WDFY3: variants seen among roughly 807,000 people sequenced by gnomAD.
WDFY3 encodes WD repeat and FYVE domain containing 3, also known as WD repeat and FYVE domain-containing protein 3.
WDFY3 carries 66 observed loss-of-function variants against 409.6 expected under a neutral mutation model. The observed-to-expected ratio is 0.16, with a 90% CI of 0.13 to 0.20. WDFY3 has a LOEUF of 0.20. Among genes scored for constraint, WDFY3 ranks in the 10% least tolerant of loss-of-function variants. WDFY3 has a pLI of 1.00. For missense variants in WDFY3, 3,031 were observed against 4,298.1 expected, an observed-to-expected ratio of 0.71 and a Z score of 8.24; for synonymous variants, 1,521 against 1,537.1, an observed-to-expected ratio of 0.99 and a Z score of 0.25.
intron 36 of WDFY3, among the ~76,000 whole-genome samples, chr4:84,744,419 T>C (rs1406070034): frequency 1.3e-5 from 2 of 151,666 alleles, no homozygotes; most frequent in Admixed American, 1.3e-4. Context: ...AAAAAAATGG[T>C]TTACAAAGCT....
intron 40 of WDFY3, 119 bp from the exon 41 acceptor site, chr4:84,737,485 TA>T (rs1737649751): frequency 9.2e-6 from 11 of 1,189,954 alleles, no homozygotes; most frequent in South Asian, 4.2e-5. Context: ...GTATTTAATG[TA>T]AAAAAAACAA....
chr4:84,837,180 T>C (rs1756692301), intron 6 of WDFY3, 90 bp from the exon 7 acceptor site: 4 of 1,133,186 alleles, frequency 3.5e-6, no homozygotes, highest in Admixed American at 3.5e-5. Flanking sequence ...CCAAAAATTA[T>C]ATATAAAGGT....
intron 67 of WDFY3, 132 bp from the exon 68 acceptor site, chr4:84,673,123 G>T: frequency 1.8e-6 from 2 of 1,137,512 alleles, no homozygotes; most frequent in Non-Finnish European, 2.5e-6. Context: ...TTGTGTGGCT[G>T]AACAAGGACT....
Position 84,849,915 on chromosome 4 carries a change from T to C in WDFY3, c.291A>G (p.Ser97=). ...CTGTAAAAATACCTGTGGATTTGTT[T>C]GATGCTCTCCTTCGAATTTCTGTCA... ...LMVTEIRRRA[S]NKSTEAASRA... is the part of the protein sequence containing the mutation. The change falls in exon 5 of 68, where the codon TCA becomes TCG. Residue 97 remains serine, a synonymous_variant. Transcript: ENST00000295888. 3 of 1,612,226 alleles carry C rather than the reference T, an allele frequency of 1.9e-6. No individual in the cohort carries two copies. Among genetic ancestry groups the C allele is most frequent in the Middle Eastern group, 1.7e-4 (1 of 6,052 alleles).
chr4:84,693,968 A>G (rs1180661733), intron 58 of WDFY3, among the ~76,000 whole-genome samples: 2 of 152,128 alleles, frequency 1.3e-5, no homozygotes, highest in African/African-American at 4.8e-5. Context: ...ACAGGCATAG[A>G]GTAGTTTCTG....
At chr4:84,958,421 G>T in intron 1 of WDFY3, among the ~76,000 whole-genome samples, 2 of 151,892 alleles carry the variant, frequency 1.3e-5, no homozygotes, top group South Asian at 4.2e-4. Context: ...AAAATCAGAA[G>T]TTTTTTTTTA....
intron 44 of WDFY3, among the ~76,000 whole-genome samples, chr4:84,730,222 G>C (rs550072584): frequency 6.6e-6 from 1 of 151,828 alleles, no homozygotes; most frequent in Non-Finnish European, 1.5e-5. Context: ...TAAACTACAG[G>C]GCCCATAAAA....
At chr4:84,771,311 T>A (rs559289506) in intron 30 of WDFY3, among the ~76,000 whole-genome samples, 1 of 152,180 alleles carries the variant, frequency 6.6e-6, no homozygotes, top group Non-Finnish European at 1.5e-5. Flanking sequence ...TTAATTTTTG[T>A]ATTTTTTGTA....
At chr4:84,743,277 A>G (rs1219167909) in intron 37 of WDFY3, among the ~76,000 whole-genome samples, 1 of 152,182 alleles carries the variant, frequency 6.6e-6, no homozygotes, top group African/African-American at 2.4e-5. Context: ...GAAAAAACAC[A>G]TTTCAATGTG....
intron 15 of WDFY3, among the ~76,000 whole-genome samples, chr4:84,804,671 C>G (rs1381067546): frequency 6.6e-6 from 1 of 152,016 alleles, no homozygotes; most frequent in Admixed American, 6.6e-5. Flanking sequence ...CTATATTGCT[C>G]CCTTTATTCT....
chr4:84,783,930 C>G (rs969539847), intron 24 of WDFY3, among the ~76,000 whole-genome samples: 2 of 151,712 alleles, frequency 1.3e-5, no homozygotes, highest in Admixed American at 6.6e-5. Context: ...TCAATACTTA[C>G]AGTTCCTGGT....
chr4:84,749,167 G>A (rs1740043712), intron 36 of WDFY3, among the ~76,000 whole-genome samples: 2 of 152,016 alleles, frequency 1.3e-5, no homozygotes, highest in Non-Finnish European at 2.9e-5. Context: ...TGGGATTACA[G>A]GCATGAGCCA....
Position 84,794,506 on chromosome 4 carries a change from A to C in WDFY3, c.3487+13T>G. 1 of 1,605,544 alleles carries C rather than the reference A, an allele frequency of 6.2e-7. No homozygotes were observed. The highest frequency in any genetic ancestry group is 8.5e-7 in the Non-Finnish European group (1 of 1,177,612). On this transcript the variant is annotated intron_variant, in intron 21 of 67. Coordinates refer to ENST00000295888, the MANE Select transcript of WDFY3 (RefSeq NM_014991.6). ...TCTATAATCAAAAGAAGAAAACAAA[A>C]AAAAATACTGACCATAATTTTGGAG... is the stretch of plus-strand genomic sequence containing the variant.
intron 4 of WDFY3, among the ~76,000 whole-genome samples, chr4:84,852,396 G>C (rs1448621124): frequency 6.6e-6 from 1 of 152,128 alleles, no homozygotes; most frequent in East Asian, 1.9e-4. Context: ...TGAATAAGGA[G>C]GGATTACTGC....
intron 23 of WDFY3, among the ~76,000 whole-genome samples, chr4:84,786,435 T>C (rs1040411028): frequency 2.6e-5 from 4 of 152,146 alleles, no homozygotes; most frequent in Non-Finnish European, 5.9e-5. Context: ...CTGTAAAACA[T>C]GTCCCCCTAG....
chr4:84,746,303 C>T (rs1430064767), intron 36 of WDFY3, among the ~76,000 whole-genome samples: 4 of 151,770 alleles, frequency 2.6e-5, no homozygotes, highest in African/African-American at 9.7e-5. Context: ...TGCAACAGAC[C>T]AAGATCCTGT....
chr4:84,678,289 A>G lies in WDFY3; in HGVS notation c.10148-10T>C. On this transcript the variant is annotated splice_polypyrimidine_tract_variant and intron_variant, in intron 65 of 67. Coordinates refer to ENST00000295888, the MANE Select transcript of WDFY3 (RefSeq NM_014991.6). ...CGTTCCCATCGGTACCCTGGAATGG[A>G]GAAGTGGAGGACACAACATAACTCA... 3 of 1,600,630 alleles carry G rather than the reference A, an allele frequency of 1.9e-6. No individual in the cohort carries two copies. Among genetic ancestry groups the G allele is most frequent in the Non-Finnish European group, 2.6e-6 (3 of 1,167,740 alleles).
chr4:84,960,250 C>G (rs1296579718), intron 1 of WDFY3, among the ~76,000 whole-genome samples: 1 of 152,174 alleles, frequency 6.6e-6, no homozygotes, highest in African/African-American at 2.4e-5. Context: ...GCCACTTCCC[C>G]TAACTACTCA....
intron 6 of WDFY3, 53 bp downstream of exon 6, chr4:84,841,101 G>A (rs1035604656): frequency 9.0e-6 from 12 of 1,335,462 alleles, no homozygotes; most frequent in Non-Finnish European, 1.3e-5. Flanking sequence ...AATCACAAGA[G>A]AGGCTATAAA....
Sources: allele counts gnomAD v4.1 joint callset (sites outside exome capture counted in the v4.1 genomes callset), GRCh38; gene constraint gnomAD v4.1.1; transcripts MANE v1.5; gene names NCBI Gene and HGNC (gene_info 2026-07-23, HGNC 2026-07-21).